The following SGPP2 variants were observed in gnomAD, a reference collection of about 807,000 sequenced individuals.
SGPP2 encodes the protein sphingosine 1-phosphate phosphohydrolase 2.
A neutral mutation model predicts 33.9 loss-of-function variants in SGPP2; 30 were observed. The ratio of observed to expected loss-of-function variants is 0.89; its 90% CI spans 0.66 to 1.20. The LOEUF (loss-of-function observed/expected upper bound fraction) is 1.20. Among genes scored for constraint, SGPP2 ranks in the 50% most tolerant of loss-of-function variants. The pLI, the probability that SGPP2 is intolerant of heterozygous loss-of-function variation, is 0.00. For synonymous variants in SGPP2, 233 were observed against 225.0 expected, an observed-to-expected ratio of 1.04 and a Z score of -0.32; for missense variants, 458 against 532.1, an observed-to-expected ratio of 0.86 and a Z score of 1.37.
intron 2 of SGPP2, among the ~76,000 whole-genome samples, chr2:222,505,205 C>T (rs536382861): frequency 1.3e-5 from 2 of 152,282 alleles, no homozygotes; most frequent in Non-Finnish European, 2.9e-5. Flanking sequence ...TTTAGGACCT[C>T]GGCTTATTGC....
intron 1 of SGPP2, among the ~76,000 whole-genome samples, chr2:222,463,756 T>C (rs1267045676): frequency 6.6e-6 from 1 of 152,256 alleles, no homozygotes; most frequent in Non-Finnish European, 1.5e-5. Context: ...TTCAGTTTTG[T>C]GTTTGTATGA....
At position 222,548,574 on chromosome 2, in the gene SGPP2, G is replaced by A. The variant is rs182011745; in HGVS notation, c.649-9773G>A. On this transcript the variant is annotated intron_variant, in intron 4 of 4. Coordinates refer to ENST00000321276, the MANE Select transcript of SGPP2 (RefSeq NM_152386.4). ...ATGACATGGAAAAGACATGCTTTCG[G>A]TGACAGAGTGCCCACTCAAAGACCC... Among the ~76,000 whole-genome samples, 424 of 152,290 alleles carry A rather than the reference G, an allele frequency of 2.8e-3. 1 individual carries two copies. The highest frequency in any genetic ancestry group is 4.9e-3 in the Non-Finnish European group (332 of 68,030).
intron 2 of SGPP2, among the ~76,000 whole-genome samples, chr2:222,501,102 G>C (rs750146148): frequency 2.6e-5 from 4 of 152,144 alleles, no homozygotes; most frequent in Non-Finnish European, 5.9e-5. Context: ...CCTGTGACCC[G>C]TGGGCTTTCT....
chr2:222,551,481 A>G (rs971006778), intron 4 of SGPP2, among the ~76,000 whole-genome samples: 3 of 152,188 alleles, frequency 2.0e-5, no homozygotes, highest in African/African-American at 4.8e-5. Context: ...TTGTTTTCAA[A>G]TTTTCAAGTA....
At chr2:222,434,254 G>C (rs188320091) in intron 1 of SGPP2, among the ~76,000 whole-genome samples, 1 of 152,282 alleles carries the variant, frequency 6.6e-6, no homozygotes, top group Non-Finnish European at 1.5e-5. Flanking sequence ...ATCAAGGCGA[G>C]ACTGTGACTT....
At chr2:222,458,190 A>G (rs1407250482) in intron 1 of SGPP2, among the ~76,000 whole-genome samples, 1 of 151,122 alleles carries the variant, frequency 6.6e-6, no homozygotes, top group Non-Finnish European at 1.5e-5. Flanking sequence ...CTGGAACTAC[A>G]GGCAAGTGCC....
intron 2 of SGPP2, among the ~76,000 whole-genome samples, chr2:222,493,655 G>A (rs1311013862): frequency 6.6e-6 from 1 of 152,190 alleles, no homozygotes; most frequent in Non-Finnish European, 1.5e-5. Context: ...TCTTAACTAA[G>A]TCTAACATTA....
intron 1 of SGPP2, among the ~76,000 whole-genome samples, chr2:222,469,557 C>G (rs1357224185): frequency 1.3e-5 from 2 of 152,210 alleles, no homozygotes; most frequent in African/African-American, 4.8e-5. Flanking sequence ...CTTTTGCTGG[C>G]TAGTCAGAAA....
At chr2:222,482,772 T>C (rs1698048136) in intron 2 of SGPP2, among the ~76,000 whole-genome samples, 1 of 152,208 alleles carries the variant, frequency 6.6e-6, no homozygotes, top group South Asian at 2.1e-4. Flanking sequence ...ATAGATTGGC[T>C]GTACTTGGTC....
chr2:222,558,399 C>CT lies in SGPP2; in HGVS notation c.702dup (p.Ala235CysfsTer34). 2 of 1,614,204 alleles carry CT rather than the reference C, an allele frequency of 1.2e-6. No individual in the cohort carries two copies. Among genetic ancestry groups the CT allele is most frequent in the Non-Finnish European group, 1.7e-6 (2 of 1,180,038 alleles). ...GCACTCCTCATCGTCCTCACCTACC[C>CT]TGCCTGGACCTTCATCGACTGCCTG... On this transcript the variant is annotated frameshift_variant, in exon 5 of 5. Transcript: ENST00000321276. LOFTEE classifies it high-confidence loss of function.
intron 2 of SGPP2, among the ~76,000 whole-genome samples, chr2:222,499,127 A>T (rs2106116536): frequency 6.6e-6 from 1 of 152,372 alleles, no homozygotes; most frequent in East Asian, 1.9e-4. Flanking sequence ...AAAGACTTCC[A>T]TTGTCAGCAT....
At chr2:222,517,076 G>A (rs1698614725) in intron 2 of SGPP2, among the ~76,000 whole-genome samples, 1 of 152,124 alleles carries the variant, frequency 6.6e-6, no homozygotes, top group Non-Finnish European at 1.5e-5. Flanking sequence ...CCTTTCCTCT[G>A]GCTGTTCTTG....
intron 4 of SGPP2, among the ~76,000 whole-genome samples, chr2:222,528,786 T>G (rs1698797314): frequency 6.6e-6 from 1 of 152,096 alleles, no homozygotes; most frequent in Non-Finnish European, 1.5e-5. Context: ...CTGGCTAATT[T>G]TTGTATTTTT....
intron 1 of SGPP2, among the ~76,000 whole-genome samples, chr2:222,428,375 T>C (rs1455509457): frequency 1.3e-5 from 2 of 152,196 alleles, no homozygotes; most frequent in Non-Finnish European, 1.5e-5. Context: ...TATATAATGG[T>C]ATTTTGATTT....
rs373943797 is a variant in SGPP2 at position 222,443,105 on chromosome 2, T to C, written c.219+18284T>C. On this transcript the variant is annotated intron_variant, in intron 1 of 4. Coordinates refer to ENST00000321276, the MANE Select transcript of SGPP2 (RefSeq NM_152386.4). Reference sequence around the variant, plus strand: ...ACTGTGACAATCTTAAAATTGGAAATGTTACCAGAATGGCCATTGTCTGGT... The same window carrying C: ...ACTGTGACAATCTTAAAATTGGAAACGTTACCAGAATGGCCATTGTCTGGT... Among the ~76,000 whole-genome samples, 256 of 152,330 alleles carry C rather than the reference T, an allele frequency of 1.7e-3. 2 individuals carry two copies. In the Middle Eastern group the frequency reaches 0.017, roughly 10 times the overall value.
chr2:222,548,856 A>T (rs1689246157), intron 4 of SGPP2, among the ~76,000 whole-genome samples: 3 of 152,236 alleles, frequency 2.0e-5, no homozygotes, highest in Admixed American at 1.3e-4. Context: ...CATCTGCATT[A>T]TTCTCAGCAA....
intron 1 of SGPP2, among the ~76,000 whole-genome samples, chr2:222,461,865 C>G (rs1437257421): frequency 2.0e-5 from 3 of 152,074 alleles, no homozygotes; most frequent in Non-Finnish European, 2.9e-5. Flanking sequence ...TGTTCATATT[C>G]GTTTATCTCA....
intron 2 of SGPP2, among the ~76,000 whole-genome samples, chr2:222,503,010 G>A (rs1698390526): frequency 6.6e-6 from 1 of 152,152 alleles, no homozygotes; most frequent in Admixed American, 6.5e-5. Flanking sequence ...TGTATAACTG[G>A]TTTATTTCTA....
intron 4 of SGPP2, among the ~76,000 whole-genome samples, chr2:222,531,972 A>T (rs1330156388): frequency 6.6e-6 from 1 of 152,128 alleles, no homozygotes; most frequent in Non-Finnish European, 1.5e-5. Context: ...TGCCTGCTTG[A>T]TACAAATGGC....
Sources: allele counts gnomAD v4.1 joint callset (sites outside exome capture counted in the v4.1 genomes callset), GRCh38; gene constraint gnomAD v4.1.1; transcripts MANE v1.5; gene names NCBI Gene and HGNC (gene_info 2026-07-23, HGNC 2026-07-21).